MYO5B: variants seen among roughly 807,000 people sequenced by gnomAD.
The protein encoded by MYO5B is unconventional myosin-Vb.
Under a neutral mutation model 229.3 loss-of-function variants are expected in MYO5B, and 143 were observed. That is an observed-to-expected ratio of 0.62 (90% CI 0.54 to 0.72). The LOEUF (loss-of-function observed/expected upper bound fraction) is 0.72, where lower values mean the gene tolerates loss of function less well. MYO5B is among the 30% of genes least tolerant of loss of function. The probability of loss-of-function intolerance (pLI) is 0.00; values close to 1 mark genes in which losing one functional copy is unlikely to be tolerated. For missense variants in MYO5B, 2,321 were observed against 2,331.0 expected, an observed-to-expected ratio of 1.00 and a Z score of 0.09; for synonymous variants, 918 against 885.2, an observed-to-expected ratio of 1.04 and a Z score of -0.66.
chr18:49,841,688 G>A (rs1336116567), intron 34 of MYO5B, among the ~76,000 whole-genome samples: 3 of 152,166 alleles, frequency 2.0e-5, no homozygotes, highest in Non-Finnish European at 4.4e-5. Context: ...CCTGATCAGT[G>A]GTGCACATAC....
At chr18:49,862,539 G>A (rs1023912707) in intron 29 of MYO5B, among the ~76,000 whole-genome samples, 4 of 152,206 alleles carry the variant, frequency 2.6e-5, no homozygotes, top group African/African-American at 4.8e-5. Flanking sequence ...CTACTAAACC[G>A]TGAGGAGTGG....
At chr18:49,939,858 T>C (rs1598897966) in intron 14 of MYO5B, among the ~76,000 whole-genome samples, 2 of 152,230 alleles carry the variant, frequency 1.3e-5, no homozygotes, top group African/African-American at 4.8e-5. Flanking sequence ...ATTAAATACA[T>C]AAGATAACAC....
At chr18:49,975,412 G>T (rs567040612) in intron 9 of MYO5B, among the ~76,000 whole-genome samples, 1 of 152,248 alleles carries the variant, frequency 6.6e-6, no homozygotes, top group African/African-American at 2.4e-5. Flanking sequence ...AGATGTGCTG[G>T]GTGAGAGGCT....
intron 10 of MYO5B, chr18:49,969,886 T>C (rs1031718127): frequency 6.6e-6 from 1 of 152,240 alleles, no homozygotes; most frequent in African/African-American, 2.4e-5. Flanking sequence ...AACACATGAA[T>C]CTGTTACAGC....
At chr18:49,915,890 A>G (rs2025008684) in intron 17 of MYO5B, among the ~76,000 whole-genome samples, 1 of 152,194 alleles carries the variant, frequency 6.6e-6, no homozygotes, top group Non-Finnish European at 1.5e-5. Flanking sequence ...TTTTAAATAT[A>G]GACACTTATC....
chr18:49,980,571 A>G lies in MYO5B; in HGVS notation c.947-18T>C. ...TTTCACTCCTGGAAAAGAAAAATGAATGGATGACACTCAGTATCCATGGTC... is the reference window on the plus strand; with the variant it reads ...TTTCACTCCTGGAAAAGAAAAATGAGTGGATGACACTCAGTATCCATGGTC... On this transcript the variant is annotated intron_variant, in intron 8 of 39. Coordinates refer to ENST00000285039, the MANE Select transcript of MYO5B (RefSeq NM_001080467.3). 1 of 1,516,194 alleles carries G rather than the reference A, an allele frequency of 6.6e-7. No homozygotes were observed. Among genetic ancestry groups the G allele is most frequent in the Non-Finnish European group, 9.2e-7 (1 of 1,090,908 alleles). 93.9% of individuals were successfully genotyped at this position (1,516,194 alleles called of 1,614,324 possible). A position where few individuals can be genotyped will look rare whatever the true frequency, so the allele number is the denominator to read the frequency against.
At chr18:49,931,639 G>A (rs971969338) in intron 16 of MYO5B, among the ~76,000 whole-genome samples, 4 of 152,276 alleles carry the variant, frequency 2.6e-5, no homozygotes, top group African/African-American at 7.2e-5. Context: ...TCGGCCACAA[G>A]AGGAAGCACA....
At chr18:50,179,368 A>G (rs1314574516) in intron 1 of MYO5B, among the ~76,000 whole-genome samples, 1 of 152,190 alleles carries the variant, frequency 6.6e-6, no homozygotes, top group African/African-American at 2.4e-5. Flanking sequence ...GTTTTGATGG[A>G]AACATGGTTC....
intron 14 of MYO5B, among the ~76,000 whole-genome samples, chr18:49,939,609 C>T (rs1196767860): frequency 2.6e-5 from 4 of 152,138 alleles, no homozygotes; most frequent in African/African-American, 7.2e-5. Flanking sequence ...AGGAACCTAC[C>T]GGAATCCTGC....
chr18:50,016,199 C>G (rs920765545), intron 4 of MYO5B, among the ~76,000 whole-genome samples: 1 of 152,174 alleles, frequency 6.6e-6, no homozygotes, highest in Non-Finnish European at 1.5e-5. Flanking sequence ...TTTCATTAAT[C>G]TCATTCTTTT....
At chr18:50,126,269 A>G (rs976687410) in intron 1 of MYO5B, among the ~76,000 whole-genome samples, 3 of 152,230 alleles carry the variant, frequency 2.0e-5, no homozygotes, top group African/African-American at 7.2e-5. Flanking sequence ...GTCCTTTACT[A>G]TAATGCTTAT....
At chr18:49,936,479 T>C in intron 15 of MYO5B, 130 bp from the exon 16 acceptor site, 1 of 757,938 alleles carries the variant, frequency 1.3e-6, no homozygotes, top group East Asian at 2.8e-5. Context: ...TGGAAGAAAT[T>C]TCAGAGACCT....
intron 1 of MYO5B, among the ~76,000 whole-genome samples, chr18:50,096,787 T>C (rs2031559956): frequency 6.6e-6 from 1 of 152,190 alleles, no homozygotes; most frequent in Admixed American, 6.5e-5. Flanking sequence ...TTCTATTTCC[T>C]CTTCTCAATG....
chr18:50,017,014 T>C (rs1598955806), intron 4 of MYO5B, among the ~76,000 whole-genome samples: 1 of 151,488 alleles, frequency 6.6e-6, no homozygotes, highest in South Asian at 2.1e-4. Flanking sequence ...CTTACATTAA[T>C]CTACTTTCTG....
intron 14 of MYO5B, among the ~76,000 whole-genome samples, chr18:49,951,584 T>A (rs2025431734): frequency 6.6e-6 from 1 of 152,156 alleles, no homozygotes; most frequent in Non-Finnish European, 1.5e-5. Context: ...CGGGCACCAC[T>A]CCTTTTTAGA....
At chr18:49,898,296 A>G (rs1429894701) in intron 21 of MYO5B, among the ~76,000 whole-genome samples, 3 of 152,252 alleles carry the variant, frequency 2.0e-5, no homozygotes, top group Non-Finnish European at 4.4e-5. Flanking sequence ...TACTAAGTAT[A>G]TGGAATCAAA....
intron 26 of MYO5B, among the ~76,000 whole-genome samples, chr18:49,874,632 G>A (rs763580489): frequency 1.3e-5 from 2 of 152,166 alleles, no homozygotes; most frequent in Non-Finnish European, 2.9e-5. Context: ...TACAGGTGTT[G>A]CAAAAAATGA....
chr18:49,894,005 T>C (rs774966772), intron 22 of MYO5B, among the ~76,000 whole-genome samples: 31 of 152,110 alleles, frequency 2.0e-4, no homozygotes, highest in Non-Finnish European at 3.7e-4. Context: ...CTTTTATAAA[T>C]ATACACACAG....
chr18:50,007,448 C>T (rs1598948212), intron 4 of MYO5B, among the ~76,000 whole-genome samples: 1 of 152,210 alleles, frequency 6.6e-6, no homozygotes, highest in African/African-American at 2.4e-5. Context: ...TCTAACATGT[C>T]CTTCTCATGA....
Sources: allele counts gnomAD v4.1 joint callset (sites outside exome capture counted in the v4.1 genomes callset), GRCh38; gene constraint gnomAD v4.1.1; transcripts MANE v1.5; gene names NCBI Gene and HGNC (gene_info 2026-07-23, HGNC 2026-07-21).